Variants in COL4A3 observed in about 807,000 individuals in gnomAD.
COL4A3 encodes the protein collagen type IV alpha 3 chain.
COL4A3 carries 135 observed loss-of-function variants against 217.4 expected under a neutral mutation model. The observed-to-expected ratio is 0.62, with a 90% CI of 0.54 to 0.72. The LOEUF is 0.72. COL4A3 is among the 30% of genes least tolerant of loss of function. The pLI is 0.00. For missense variants in COL4A3, 1,868 were observed against 2,119.9 expected (o/e 0.88, Z 2.33); for synonymous variants, 690 against 736.3 (o/e 0.94, Z 1.02).
Position 227,211,439 on chromosome 2 carries a change from G to A in COL4A3, c.88-26529G>A, listed in dbSNP as rs182215043. On this transcript the variant is annotated intron_variant, in intron 1 of 51. Coordinates refer to ENST00000396578, the MANE Select transcript of COL4A3 (RefSeq NM_000091.5). ...ACTATCACAAAGCTACTGTGAACACGTTTGCACATTTGTCCTGATGCAAGT... is the reference window on the plus strand; with the variant it reads ...ACTATCACAAAGCTACTGTGAACACATTTGCACATTTGTCCTGATGCAAGT... Among the ~76,000 whole-genome samples the A allele has an allele frequency of 2.2e-4, 33 of 152,282 alleles. No homozygotes were observed. The South Asian group carries it at 2.5e-3, about 11-fold the overall frequency.
chr2:227,280,535 T>C lies in COL4A3; in HGVS notation c.2319T>C (p.Pro773=), dbSNP rs1286848134. The change falls in exon 30 of 52, where the codon CCT becomes CCC. Residue 773 remains proline (P), a synonymous_variant. Transcript: ENST00000396578. ...NSGEHGEIGL[P]GLPGLPGTPG... The stretch of plus-strand genomic sequence containing the variant: ...GGGAACATGGAGAAATTGGACTCCC[T>C]GGACTTCCAGGTCTCCCTGGAACTC... 1.2e-6 allele frequency: 2 copies of C among 1,614,000 alleles called. No homozygotes were observed. The highest frequency in any genetic ancestry group is 1.7e-6 in the Non-Finnish European group (2 of 1,179,958).
chr2:227,244,833 T>C (rs770068307), intron 4 of COL4A3, 118 bp from the exon 5 acceptor site: 2 of 1,045,168 alleles, frequency 1.9e-6, no homozygotes, highest in African/African-American at 1.6e-5. Flanking sequence ...TTTCGAGCTA[T>C]TCCCAGTTAT....
rs190234781 is a variant in COL4A3, at chr2:227,309,178, G to A, written c.4641-26G>A. ...TGACAGTGCAGAAAGTGGCAATGCC[G>A]CCATAGTCTTTGTTTCATGTTACAG... On this transcript the variant is annotated intron_variant, in intron 49 of 51. Coordinates refer to ENST00000396578, the MANE Select transcript of COL4A3 (RefSeq NM_000091.5). 64 of 1,612,052 alleles carry A rather than the reference G, an allele frequency of 4.0e-5. No homozygotes were observed. The East Asian group carries it at 1.4e-3, about 34-fold the overall frequency.
intron 1 of COL4A3, among the ~76,000 whole-genome samples, chr2:227,172,823 G>A (rs967680371): frequency 6.6e-6 from 1 of 152,002 alleles, no homozygotes; most frequent in Non-Finnish European, 1.5e-5. Flanking sequence ...CTGACCTCAA[G>A]TGATCCACCT....
intron 1 of COL4A3, among the ~76,000 whole-genome samples, chr2:227,170,327 C>G (rs1410718904): frequency 6.6e-6 from 1 of 151,896 alleles, no homozygotes; most frequent in Non-Finnish European, 1.5e-5. Context: ...TGCTGACCAG[C>G]TGTATTAATC....
chr2:227,180,608 T>C (rs1158538040), intron 1 of COL4A3, among the ~76,000 whole-genome samples: 1 of 152,208 alleles, frequency 6.6e-6, no homozygotes, highest in African/African-American at 2.4e-5. Context: ...GGCACTGTTG[T>C]GACAGTTTTG....
chr2:227,295,980 C>A (rs892542459), intron 41 of COL4A3, among the ~76,000 whole-genome samples: 10 of 152,204 alleles, frequency 6.6e-5, no homozygotes, highest in African/African-American at 2.4e-4. Flanking sequence ...ATTTCATTGA[C>A]CCGTCTCAGC....
At chr2:227,310,666 TC>T in intron 50 of COL4A3, 109 bp from the exon 51 acceptor site, 1 of 871,394 alleles carries the variant, frequency 1.1e-6, no homozygotes, top group African/African-American at 1.7e-5. Flanking sequence ...TGATCATTCC[TC>T]CCCTTTCTTT....
At chr2:227,280,291 C>G in intron 29 of COL4A3, 149 bp from the exon 30 acceptor site, 1 of 779,512 alleles carries the variant, frequency 1.3e-6, no homozygotes, top group South Asian at 1.7e-5. Context: ...CATAATCTTA[C>G]AGAAAAGTCA....
chr2:227,225,595 C>T (rs1443483694), intron 1 of COL4A3, among the ~76,000 whole-genome samples: 1 of 151,500 alleles, frequency 6.6e-6, no homozygotes, highest in Non-Finnish European at 1.5e-5. Flanking sequence ...TGCAGGGTTG[C>T]ACCAGGCCAA....
intron 51 of COL4A3, among the ~76,000 whole-genome samples, chr2:227,311,542 T>C (rs2106297014): frequency 6.6e-6 from 1 of 152,032 alleles, no homozygotes; most frequent in Non-Finnish European, 1.5e-5. Context: ...ACGACACCCA[T>C]CTCATTTTTG....
intron 1 of COL4A3, among the ~76,000 whole-genome samples, chr2:227,224,505 C>A (rs888960069): frequency 2.0e-5 from 3 of 152,216 alleles, no homozygotes; most frequent in African/African-American, 7.2e-5. Flanking sequence ...AATCCCAGTA[C>A]TTTGGGAGGC....
chr2:227,282,515 G>A lies in COL4A3; in HGVS notation c.2639G>A (p.Gly880Glu). Residue 880 changes from glycine (G) to glutamate (E), a missense_variant, in exon 32 of 52, where the codon GGA (glycine) becomes GAA (glutamate). Around this residue, in one of 2 missense-constraint regions of COL4A3, gnomAD observed 1,503 missense variants for 1,786.1 expected, o/e 0.84. Coordinates refer to ENST00000396578, the MANE Select transcript of COL4A3 (RefSeq NM_000091.5). This position sits in a 1 kb window ranked among gnomAD's most constrained non-coding sequence, Gnocchi z 4.4. Reference protein sequence around the residue: ...LGQRGYPGNPGILGPPGEDGV... With the variant: ...LGQRGYPGNPEILGPPGEDGV... ...CAAAGAGGATATCCAGGAAATCCGG[G>A]AATTTTAGGGCCACCAGGTATCCTT... 4 of 1,613,524 alleles carry A rather than the reference G, an allele frequency of 2.5e-6. No homozygotes were observed. The highest frequency in any genetic ancestry group is 3.4e-6 in the Non-Finnish European group (4 of 1,179,804).
intron 1 of COL4A3, among the ~76,000 whole-genome samples, chr2:227,179,015 A>C (rs2065784643): frequency 6.6e-6 from 1 of 151,884 alleles, no homozygotes. Context: ...ACAGTGGTGC[A>C]ATCTTGGCTC....
Position 227,266,457 on chromosome 2 carries a change from A to C in COL4A3, c.1356A>C (p.Gly452=), listed in dbSNP as rs1228023852. The C allele has an allele frequency of 5.6e-6, 9 of 1,614,016 alleles. No individual in the cohort carries two copies. The highest frequency in any genetic ancestry group is 1.7e-5 in the Admixed American group (1 of 59,992). Residue 452 remains glycine (G), a synonymous_variant, in exon 22 of 52, where the codon GGA becomes GGC. Transcript: ENST00000396578. ...VFRKGPPGDH[G]LPGYLGSPGI... The stretch of plus-strand genomic sequence containing the variant: ...GCAAGGGTCCACCTGGAGATCACGG[A>C]CTGCCAGGCTATCTAGGGTCTCCAG...
chr2:227,272,003 C>T (rs2071270496), intron 25 of COL4A3, among the ~76,000 whole-genome samples: 1 of 152,194 alleles, frequency 6.6e-6, no homozygotes, highest in Non-Finnish European at 1.5e-5. Flanking sequence ...AGAATATGAA[C>T]TGTGAGTCTT....
chr2:227,172,140 T>C (rs570582305), intron 1 of COL4A3, among the ~76,000 whole-genome samples: 37 of 152,328 alleles, frequency 2.4e-4, no homozygotes, highest in African/African-American at 8.7e-4. Flanking sequence ...TTGAGCCCAC[T>C]CTCCCAACTC....
In COL4A3 at chr2:227,282,672, A is replaced by G. The variant is rs1415601429; in HGVS notation, c.2656+140A>G. 15 of 819,590 alleles carry G rather than the reference A, an allele frequency of 1.8e-5. No homozygotes were observed. In the East Asian group the frequency reaches 4.1e-4, roughly 22 times the overall value. 50.8% of individuals were successfully genotyped at this position (819,590 alleles called of 1,614,324 possible). ...TTTCCTTCTAAATTATTTGTAAGAA[A>G]CCAGGGGCCATGGTGCAGGGAAACG... is the stretch of plus-strand genomic sequence containing the variant. On this transcript the variant is annotated intron_variant, in intron 32 of 51. Coordinates refer to ENST00000396578, the MANE Select transcript of COL4A3 (RefSeq NM_000091.5). The surrounding 1 kb of genome is among the most constrained non-coding windows in gnomAD (Gnocchi z 4.4).
At position 227,313,557 on chromosome 2, in the gene COL4A3, A is replaced by G. The variant is rs1171426769; in HGVS notation, c.*1687A>G. On this transcript the variant is annotated 3_prime_UTR_variant, in exon 52 of 52. Coordinates refer to ENST00000396578, the MANE Select transcript of COL4A3 (RefSeq NM_000091.5). ...GGTGGAGTTGGTGGTGCTGATATTT[A>G]AATTCAGGCTACTGCTTCAATCTCA... The G allele has an allele frequency of 6.6e-6, 1 of 152,668 alleles. No individual in the cohort carries two copies. Among genetic ancestry groups the G allele is most frequent in the Non-Finnish European group, 1.5e-5 (1 of 68,054 alleles). The allele number at this position is 152,668 out of a possible 1,614,324, so 9.5% of individuals were successfully genotyped here.
Sources: gnomAD v4.1 joint callset for allele counts (sites outside exome capture counted in the v4.1 genomes callset) on GRCh38, gnomAD v4.1.1 for gene constraint, gnomAD v4.1.1 regional missense constraint, Gnocchi (gnomAD v3.1) non-coding constraint, MANE v1.5 for transcripts, NCBI Gene and HGNC (gene_info 2026-07-23, HGNC 2026-07-21) for gene names.